Variants in PARVA observed in about 807,000 individuals in gnomAD.
PARVA encodes parvin alpha.
A neutral mutation model predicts 52.6 loss-of-function variants in PARVA; 25 were observed. That is an observed-to-expected ratio of 0.48 (90% confidence interval 0.35 to 0.66). The LOEUF (loss-of-function observed/expected upper bound fraction) is 0.66. PARVA is among the 30% of genes least tolerant of loss of function. The pLI is 0.01. For synonymous variants in PARVA, 185 were observed against 179.1 expected (o/e 1.03, Z -0.26); for missense variants, 373 against 450.9 (o/e 0.83, Z 1.56).
rs1941746734 is a variant in PARVA at position 12,529,600 on chromosome 11, T to C, written c.*1675T>C. 6.6e-6 allele frequency: 1 copy of C among 152,240 alleles called. No individual in the cohort carries two copies. The highest frequency in any genetic ancestry group is 1.5e-5 in the Non-Finnish European group (1 of 68,044). The allele number at this position is 152,240 out of a possible 1,614,324, so 9.4% of individuals were successfully genotyped here. On this transcript the variant is annotated 3_prime_UTR_variant, in exon 13 of 13. Transcript: ENST00000334956. The stretch of plus-strand genomic sequence containing the variant: ...CCATTCCACAAAGCCCATCTCTGGT[T>C]TGAGAATTCATTTTGATCTGTATCT...
chr11:12,511,317 A>G (rs1034238541), intron 7 of PARVA, among the ~76,000 whole-genome samples, 197 bp from the exon 8 acceptor site: 2 of 152,136 alleles, frequency 1.3e-5, no homozygotes, highest in African/African-American at 4.8e-5. Context: ...GTAATGTGGT[A>G]AAGTCTCAAT....
Position 12,465,790 on chromosome 11 carries a change from TG to T in PARVA, c.137-7952del, listed in dbSNP as rs533657521. ...AGGATATCTTGGTTGCTTGCAGTTT[TG>T]GGTGATTATGAATAAAGCTGCTATA... On this transcript the variant is annotated intron_variant, in intron 1 of 12. Transcript: ENST00000334956. Among the ~76,000 whole-genome samples the T allele has an allele frequency of 1.1e-4, 17 of 152,370 alleles. No homozygotes were observed. In the South Asian group the frequency reaches 3.5e-3, roughly 32 times the overall value.
intron 1 of PARVA, among the ~76,000 whole-genome samples, chr11:12,464,588 T>C (rs974426822): frequency 6.6e-6 from 1 of 152,216 alleles, no homozygotes; most frequent in Non-Finnish European, 1.5e-5. Flanking sequence ...ACCCCTTTCA[T>C]TGAGGTCATC....
chr11:12,393,853 T>C (rs1352807510), intron 1 of PARVA, among the ~76,000 whole-genome samples: 1 of 152,162 alleles, frequency 6.6e-6, no homozygotes, highest in African/African-American at 2.4e-5. Context: ...TGCTCTTGAG[T>C]GGCACGCTCC....
intron 1 of PARVA, among the ~76,000 whole-genome samples, chr11:12,430,475 G>C (rs960964097): frequency 1.3e-5 from 2 of 151,954 alleles, no homozygotes; most frequent in African/African-American, 4.8e-5. Context: ...AGTACCTTTC[G>C]TCACCTTGCC....
intron 1 of PARVA, among the ~76,000 whole-genome samples, chr11:12,437,119 G>T (rs1940397077): frequency 6.6e-6 from 1 of 152,118 alleles, no homozygotes; most frequent in African/African-American, 2.4e-5. Context: ...ATATTTTATA[G>T]TAGTTTATTT....
chr11:12,467,152 A>AT (rs1299891687), intron 1 of PARVA, among the ~76,000 whole-genome samples: 2 of 152,148 alleles, frequency 1.3e-5, no homozygotes, highest in Non-Finnish European at 2.9e-5. Context: ...TGTGTTTTTA[A>AT]TTTTAAATTT....
chr11:12,382,436 A>G (rs556510104), intron 1 of PARVA, among the ~76,000 whole-genome samples: 1 of 149,644 alleles, frequency 6.7e-6, no homozygotes, highest in South Asian at 2.1e-4. Context: ...AGGTTTTTCT[A>G]ATTGTCACAG....
At chr11:12,400,767 G>A (rs1939815910) in intron 1 of PARVA, among the ~76,000 whole-genome samples, 1 of 152,084 alleles carries the variant, frequency 6.6e-6, no homozygotes, top group Admixed American at 6.5e-5. Context: ...TGGAATTTCT[G>A]ACATATTTTT....
At chr11:12,500,755 C>T (rs113983281) in intron 5 of PARVA, among the ~76,000 whole-genome samples, 3 of 151,596 alleles carry the variant, frequency 2.0e-5, no homozygotes, top group African/African-American at 4.8e-5. Context: ...TGCACCAATG[C>T]ACTCCAGCCT....
chr11:12,415,117 GA>G lies in PARVA; in HGVS notation c.136+37335del, dbSNP rs372606185. Among the ~76,000 whole-genome samples, 343 of 151,020 alleles carry G rather than the reference GA, an allele frequency of 2.3e-3. 1 individual carries two copies. The highest frequency in any genetic ancestry group is 8.1e-3 in the African/African-American group (333 of 41,014). On this transcript the variant is annotated intron_variant, in intron 1 of 12. Transcript: ENST00000334956. ...TGTTAACAACAGGAAAGGCAATATT[GA>G]GAATGTCATGACTTAGGGAGAGAGT...
rs920335211 is a variant in PARVA, at chr11:12,532,254, T to C, written c.*4329T>C. Among the ~76,000 whole-genome samples the C allele has an allele frequency of 1.3e-5, 2 of 152,000 alleles. No individual in the cohort carries two copies. Among genetic ancestry groups the C allele is most frequent in the African/African-American group, 2.4e-5 (1 of 41,386 alleles). ...AATTCTACAGGATATTAGTAAATGTTAGATGAAAAAAAAAGTCACGTTTAA... is the reference window on the plus strand; with the variant it reads ...AATTCTACAGGATATTAGTAAATGTCAGATGAAAAAAAAAGTCACGTTTAA... On this transcript the variant is annotated 3_prime_UTR_variant, in exon 13 of 13. Transcript: ENST00000334956.
chr11:12,523,128 T>A (rs1018971524), intron 12 of PARVA, among the ~76,000 whole-genome samples: 3 of 152,146 alleles, frequency 2.0e-5, no homozygotes, highest in African/African-American at 7.2e-5. Context: ...GACTTAAAAG[T>A]TTTTAAAAAT....
intron 1 of PARVA, among the ~76,000 whole-genome samples, chr11:12,430,137 C>T (rs1940296686): frequency 6.6e-6 from 1 of 152,084 alleles, no homozygotes; most frequent in Admixed American, 6.5e-5. Context: ...AGTAAATACC[C>T]CCACTAGGGC....
rs1456603987 is a variant in PARVA, at chr11:12,527,721, C to T, written c.1043-128C>T. ...CTGCTCTGAATTCTCGCTGCCCACTCTACCCATCTGCCCCGAACATGCTGG... is the reference window on the plus strand; with the variant it reads ...CTGCTCTGAATTCTCGCTGCCCACTTTACCCATCTGCCCCGAACATGCTGG... On this transcript the variant is annotated intron_variant, in intron 12 of 12. Coordinates refer to ENST00000334956, the MANE Select transcript of PARVA (RefSeq NM_018222.5). The T allele has an allele frequency of 2.1e-5, 16 of 751,456 alleles. No individual in the cohort carries two copies. In the East Asian group the frequency reaches 3.9e-4, roughly 19 times the overall value. The allele number at this position is 751,456 out of a possible 1,614,324, so 46.5% of individuals were successfully genotyped here.
chr11:12,518,231 TGTGCTTCTCCAGGA>T (rs1443096766), intron 11 of PARVA, among the ~76,000 whole-genome samples, 200 bp from the exon 12 acceptor site: 1 of 152,234 alleles, frequency 6.6e-6, no homozygotes, highest in African/African-American at 2.4e-5. Flanking sequence ...AAGGGAGTTT[TGTGCTTCTCCAGGA>T]GTGCTTCTCC....
Position 12,377,656 on chromosome 11 carries a change from C to G in PARVA, c.9C>G (p.Thr3=), listed in dbSNP as rs776065824. 1 of 1,569,768 alleles carries G rather than the reference C, an allele frequency of 6.4e-7. No individual in the cohort carries two copies. The highest frequency in any genetic ancestry group is 8.6e-7 in the Non-Finnish European group (1 of 1,162,988). The change falls in exon 1 of 13, where the codon ACC becomes ACG. Residue 3 remains threonine (T), a synonymous_variant. Coordinates refer to ENST00000334956, the MANE Select transcript of PARVA (RefSeq NM_018222.5). The stretch of plus-strand genomic sequence containing the variant: ...GCAGCCTGCGCCGCGCCATGGCCAC[C>G]TCCCCGCAGAAGTCGCCTTCTGTCC... MA[T]SPQKSPSVPK...
chr11:12,382,806 A>T (rs1266584961), intron 1 of PARVA, among the ~76,000 whole-genome samples: 1 of 152,246 alleles, frequency 6.6e-6, no homozygotes, highest in Non-Finnish European at 1.5e-5. Flanking sequence ...CTGTGTCTTC[A>T]TCTATAAAAT....
chr11:12,481,821 T>G (rs983173545), intron 4 of PARVA, among the ~76,000 whole-genome samples: 1 of 151,992 alleles, frequency 6.6e-6, no homozygotes, highest in African/African-American at 2.4e-5. Context: ...TAGAAGATGA[T>G]GGAAATGGCA....
Sources: allele counts gnomAD v4.1 joint callset (sites outside exome capture counted in the v4.1 genomes callset), GRCh38; gene constraint gnomAD v4.1.1; transcripts MANE v1.5; gene names NCBI Gene and HGNC (gene_info 2026-07-23, HGNC 2026-07-21).